PARVB: variants seen among roughly 807,000 people sequenced by gnomAD.
PARVB encodes parvin beta, also known as beta-parvin.
PARVB carries 46 observed loss-of-function variants against 47.0 expected under a neutral mutation model. That is an observed-to-expected ratio of 0.98 (90% confidence interval 0.77 to 1.25). The LOEUF (loss-of-function observed/expected upper bound fraction) is 1.25. PARVB is among the 50% of genes most tolerant of loss of function. PARVB has a pLI of 0.00. For missense variants in PARVB, 473 were observed against 471.6 expected, an observed-to-expected ratio of 1.00 and a Z score of -0.03; for synonymous variants, 196 against 196.3, an observed-to-expected ratio of 1.00 and a Z score of 0.01.
intron 3 of PARVB, chr22:44,114,837 C>CTACAGCAACACAGATACAT (rs2052828667): frequency 7.6e-6 from 1 of 132,404 alleles, no homozygotes; most frequent in Non-Finnish European, 1.6e-5. Context: ...AACTAAGGCC[C>CTACAGCAACACAGATACAT]TGTACCAACA....
intron 1 of PARVB, among the ~76,000 whole-genome samples, chr22:44,072,309 C>A (rs2051673262): frequency 1.3e-5 from 2 of 152,192 alleles, no homozygotes. Flanking sequence ...TCTCTGTCCC[C>A]ACCTCACAGG....
chr22:44,004,406 T>A (rs151034204), intron 2 of PARVB, among the ~76,000 whole-genome samples: 1 of 152,152 alleles, frequency 6.6e-6, no homozygotes, highest in East Asian at 1.9e-4. Flanking sequence ...GACCCCCCCC[T>A]TACTCTCAAG....
At chr22:44,078,732 T>C (rs1041499199) in intron 1 of PARVB, among the ~76,000 whole-genome samples, 7 of 150,058 alleles carry the variant, frequency 4.7e-5, no homozygotes, top group African/African-American at 1.7e-4. Context: ...CCTTTGAGTA[T>C]TTATTTATTT....
Position 44,155,319 on chromosome 22 carries a change from C to T in PARVB, c.844-2663C>T, listed in dbSNP as rs1250661392. The stretch of plus-strand genomic sequence containing the variant: ...AGGAGGCGGTGGTGGGGCCTCTGGG[C>T]CTCCGTGGGGATTCTGCTCCCTGCT... On this transcript the variant is annotated intron_variant, in intron 10 of 12. Coordinates refer to ENST00000338758, the MANE Select transcript of PARVB (RefSeq NM_013327.5). The surrounding 1 kb of genome is among the most constrained non-coding windows in gnomAD (Gnocchi z 4.8). Among the ~76,000 whole-genome samples, 1 of 152,052 alleles carries T rather than the reference C, an allele frequency of 6.6e-6. No homozygotes were observed. The highest frequency in any genetic ancestry group is 1.5e-5 in the Non-Finnish European group (1 of 67,996).
intron 4 of PARVB, 28 bp from the exon 5 acceptor site, chr22:44,131,459 C>T: frequency 6.2e-7 from 1 of 1,609,652 alleles, no homozygotes; most frequent in Admixed American, 1.7e-5. Context: ...CTTTTTCTGA[C>T]CCTCTTCTCT....
intron 1 of PARVB, among the ~76,000 whole-genome samples, chr22:44,093,330 A>G (rs913665593): frequency 6.6e-6 from 1 of 152,200 alleles, no homozygotes; most frequent in Non-Finnish European, 1.5e-5. Flanking sequence ...CCCTTGAGAC[A>G]GGAGGTCATG....
chr22:44,024,201 G>T, upstream of PARVB: 2 of 298,254 alleles, frequency 6.7e-6, no homozygotes, highest in Non-Finnish European at 9.9e-6. Context: ...CATCCGGGAC[G>T]CCGGGGCCGC....
chr22:44,129,034 T>C (rs2053252477), intron 4 of PARVB, among the ~76,000 whole-genome samples: 1 of 152,114 alleles, frequency 6.6e-6, no homozygotes, highest in Non-Finnish European at 1.5e-5. Context: ...GCTGAGATGG[T>C]GCCATTGCAC....
At chr22:44,127,068 G>A (rs1407770844) in intron 4 of PARVB, among the ~76,000 whole-genome samples, 1 of 152,178 alleles carries the variant, frequency 6.6e-6, no homozygotes, top group Non-Finnish European at 1.5e-5. Flanking sequence ...TGCTGTGATT[G>A]TCCATGAGTC....
At chr22:44,064,951 G>T (rs1285086495) in intron 1 of PARVB, among the ~76,000 whole-genome samples, 1 of 152,214 alleles carries the variant, frequency 6.6e-6, no homozygotes, top group Non-Finnish European at 1.5e-5. Context: ...CTGATCCCCA[G>T]GTTTGGTTGA....
intron 2 of PARVB, among the ~76,000 whole-genome samples, chr22:44,011,833 C>T (rs2050526478): frequency 6.6e-6 from 1 of 152,090 alleles, no homozygotes; most frequent in Non-Finnish European, 1.5e-5. Context: ...TCCCCTACCC[C>T]CGTCATCATT....
At chr22:44,009,587 A>G (rs2050500825) in intron 2 of PARVB, 1 of 151,306 alleles carries the variant, frequency 6.6e-6, no homozygotes, top group Admixed American at 6.6e-5. Context: ...ATATATACAC[A>G]CATATGTATG....
At chr22:44,080,466 C>T (rs766215253) in intron 1 of PARVB, among the ~76,000 whole-genome samples, 9 of 152,344 alleles carry the variant, frequency 5.9e-5, no homozygotes, top group Middle Eastern at 3.4e-3. Flanking sequence ...CCCGATCTTT[C>T]TCTGTCTCCT....
chr22:44,049,567 A>G lies in PARVB; in HGVS notation c.112+25116A>G, dbSNP rs1195575771. 1.3e-5 allele frequency among the ~76,000 whole-genome samples: 2 copies of G among 152,240 alleles called. No homozygotes were observed. The highest frequency in any genetic ancestry group is 4.8e-5 in the African/African-American group (2 of 41,468). ...GGCTCGAGGTCAATCAGATTCCTCC[A>G]GCGATAAAAGGCCTGCTGAGGAAGC... On this transcript the variant is annotated intron_variant, in intron 1 of 12. Coordinates refer to ENST00000338758, the MANE Select transcript of PARVB (RefSeq NM_013327.5). This position sits in a 1 kb window ranked among gnomAD's most constrained non-coding sequence, Gnocchi z 4.0.
chr22:44,141,661 A>G (rs906127400), intron 8 of PARVB: 5 of 152,288 alleles, frequency 3.3e-5, no homozygotes, highest in African/African-American at 7.2e-5. Context: ...AGTATTAACC[A>G]TCACGCCTGT....
intron 1 of PARVB, among the ~76,000 whole-genome samples, chr22:44,029,381 T>C (rs539384499): frequency 6.6e-6 from 1 of 152,354 alleles, no homozygotes; most frequent in East Asian, 1.9e-4. Flanking sequence ...TTGCAAATAT[T>C]TTCTCCCAGC....
At position 44,172,707 on chromosome 22, in the gene PARVB, T is replaced by G. The variant is rs2054280585; in HGVS notation, c.*4029T>G. The stretch of plus-strand genomic sequence containing the variant: ...TTTGTGTGCCAGTATTTTACTGTCT[T>G]CTTAATTGTTTTAAGCAATGTTTAC... On this transcript the variant is annotated 3_prime_UTR_variant, in exon 13 of 13. Transcript: ENST00000338758. 3.4e-6 allele frequency: 1 copy of G among 292,264 alleles called. No individual in the cohort carries two copies. The highest frequency in any genetic ancestry group is 1.2e-4 in the East Asian group (1 of 8,584). 18.1% of individuals were successfully genotyped at this position (292,264 alleles called of 1,614,324 possible).
At chr22:44,066,802 C>CTCCTCCTTCTCCTCCTCA (rs2051539673) in intron 1 of PARVB, among the ~76,000 whole-genome samples, 1 of 134,016 alleles carries the variant, frequency 7.5e-6, no homozygotes, top group African/African-American at 2.6e-5. Context: ...CCTCCTCCTC[C>CTCCTCCTTCTCCTCCTCA]TCCTCCTCCT....
chr22:44,048,471 C>T (rs2051153133), intron 1 of PARVB, among the ~76,000 whole-genome samples: 1 of 151,842 alleles, frequency 6.6e-6, no homozygotes, highest in Non-Finnish European at 1.5e-5. Flanking sequence ...TCCTGGGTTC[C>T]AGCAATTTTC....
Sources: allele counts gnomAD v4.1 joint callset (sites outside exome capture counted in the v4.1 genomes callset), GRCh38; gene constraint gnomAD v4.1.1; non-coding constraint Gnocchi (gnomAD v3.1); transcripts MANE v1.5; gene names NCBI Gene and HGNC (gene_info 2026-07-23, HGNC 2026-07-21).